Variants in FAM20B observed in about 807,000 individuals in gnomAD.
FAM20B encodes FAM20B glycosaminoglycan xylosylkinase.
In FAM20B, 23 loss-of-function variants were observed where a neutral mutation model predicts 43.8. The observed-to-expected ratio is 0.53, with a 90% confidence interval of 0.38 to 0.74. The LOEUF is 0.74. Among genes scored for constraint, FAM20B ranks in the 30% least tolerant of loss-of-function variants. The probability of loss-of-function intolerance (pLI) is 0.00; values close to 1 mark genes in which losing one functional copy is unlikely to be tolerated. For synonymous variants in FAM20B, 178 were observed against 192.4 expected (o/e 0.93, Z 0.62); for missense variants, 440 against 510.5 (o/e 0.86, Z 1.33).
chr1:179,044,484 C>A (rs1487094490), intron 2 of FAM20B, among the ~76,000 whole-genome samples: 1 of 152,200 alleles, frequency 6.6e-6, no homozygotes, highest in Admixed American at 6.5e-5. Flanking sequence ...CCTGGTAACC[C>A]ACTGGTCTTT....
chr1:179,049,259 C>T (rs1397188268), intron 2 of FAM20B, among the ~76,000 whole-genome samples: 1 of 152,024 alleles, frequency 6.6e-6, no homozygotes, highest in Non-Finnish European at 1.5e-5. Flanking sequence ...TAGTCCAGCC[C>T]CTAATATTGT....
At chr1:179,038,452 C>G (rs1282361977) in intron 1 of FAM20B, among the ~76,000 whole-genome samples, 1 of 151,336 alleles carries the variant, frequency 6.6e-6, no homozygotes, top group African/African-American at 2.4e-5. Flanking sequence ...GTTAACCAGA[C>G]TTTAGTCCTG....
rs968186189 is a variant in FAM20B, at chr1:179,064,616, CCACT to C, written c.938+121_938+124del. ...TTGATAGGCAACATCCTTCTTTTTT[CCACT>C]TGGAGTCTTTGCTATTGGTACCTGT... On this transcript the variant is annotated intron_variant, in intron 6 of 7. Transcript: ENST00000263733. The C allele has an allele frequency of 8.8e-5, 66 of 746,332 alleles. No individual in the cohort carries two copies. The Admixed American group carries it at 1.8e-3, about 21-fold the overall frequency. The allele number at this position is 746,332 out of a possible 1,614,324, so 46.2% of individuals were successfully genotyped here. A position where few individuals can be genotyped will look rare whatever the true frequency, so the allele number is the denominator to read the frequency against.
chr1:179,050,951 G>A (rs1650981114), intron 3 of FAM20B, among the ~76,000 whole-genome samples: 1 of 151,822 alleles, frequency 6.6e-6, no homozygotes, highest in Non-Finnish European at 1.5e-5. Flanking sequence ...GTGAAACCCC[G>A]TCTCTACTAA....
rs1278188194 is a variant in FAM20B at position 179,072,738 on chromosome 1, G to A, written c.*594G>A. 3 of 152,502 alleles carry A rather than the reference G, an allele frequency of 2.0e-5. No individual in the cohort carries two copies. The highest frequency in any genetic ancestry group is 4.4e-5 in the Non-Finnish European group (3 of 68,294). 9.4% of individuals were successfully genotyped at this position (152,502 alleles called of 1,614,324 possible). A position where few individuals can be genotyped will look rare whatever the true frequency, so the allele number is the denominator to read the frequency against. The stretch of plus-strand genomic sequence containing the variant: ...AAATGTTTGGGCTTTTAAGCCATTG[G>A]GTAGTATTGTTTTGATGATCTTAGA... On this transcript the variant is annotated 3_prime_UTR_variant, in exon 8 of 8. Transcript: ENST00000263733.
intron 4 of FAM20B, among the ~76,000 whole-genome samples, chr1:179,061,046 G>A (rs1276318073): frequency 6.8e-6 from 1 of 147,430 alleles, no homozygotes; most frequent in African/African-American, 2.5e-5. Context: ...ATAGTCTTTT[G>A]TGACATGAGA....
chr1:179,070,716 G>T (rs1286212881), intron 7 of FAM20B, among the ~76,000 whole-genome samples: 1 of 151,448 alleles, frequency 6.6e-6, no homozygotes, highest in Non-Finnish European at 1.5e-5. Flanking sequence ...GTAGAGACGG[G>T]GTTTTACCAT....
chr1:179,058,510 G>A (rs1017240629), intron 4 of FAM20B, among the ~76,000 whole-genome samples: 1 of 152,208 alleles, frequency 6.6e-6, no homozygotes, highest in East Asian at 1.9e-4. Context: ...AGACTGTGCT[G>A]TTTAGCTGAA....
At chr1:179,041,220 C>T (rs1404274089) in intron 1 of FAM20B, among the ~76,000 whole-genome samples, 1 of 151,604 alleles carries the variant, frequency 6.6e-6, no homozygotes, top group Non-Finnish European at 1.5e-5. Flanking sequence ...GATGGGCAAC[C>T]AGGCAGAGAC....
At chr1:179,063,466 T>C (rs981548102) in intron 4 of FAM20B, among the ~76,000 whole-genome samples, 2 of 151,956 alleles carry the variant, frequency 1.3e-5, no homozygotes, top group Non-Finnish European at 2.9e-5. Flanking sequence ...CATATACCTA[T>C]AGTTCCAGCT....
intron 4 of FAM20B, among the ~76,000 whole-genome samples, chr1:179,061,894 G>A (rs988370613): frequency 1.3e-5 from 2 of 152,074 alleles, no homozygotes; most frequent in East Asian, 1.9e-4. Flanking sequence ...ACATTTGGCC[G>A]GTGGGAACCT....
rs183043290 is a variant in FAM20B at position 179,034,798 on chromosome 1, C to G, written c.-134+8700C>G. On this transcript the variant is annotated intron_variant, in intron 1 of 7. Coordinates refer to ENST00000263733, the MANE Select transcript of FAM20B (RefSeq NM_014864.4). ...TCAGATCTCTTTTGTTGTTAGTCCT[C>G]TGCATGAAGCATTCTTACTAAGCAT... 2.0e-5 allele frequency among the ~76,000 whole-genome samples: 3 copies of G among 152,318 alleles called. No homozygotes were observed. In the East Asian group the frequency reaches 5.8e-4, roughly 29 times the overall value.
At chr1:179,050,184 A>T in intron 2 of FAM20B, 95 bp from the exon 3 acceptor site, 1 of 812,856 alleles carries the variant, frequency 1.2e-6, no homozygotes, top group Admixed American at 1.9e-5. Flanking sequence ...CTATAGCAGA[A>T]TCAGGCTTGC....
intron 4 of FAM20B, among the ~76,000 whole-genome samples, chr1:179,057,619 A>G (rs958771553): frequency 5.3e-5 from 8 of 152,192 alleles, no homozygotes; most frequent in African/African-American, 1.9e-4. Context: ...AAAACTACTA[A>G]TTGTTAGCCA....
chr1:179,071,819 AATT>A, intron 7 of FAM20B, 91 bp from the exon 8 acceptor site: 1 of 819,960 alleles, frequency 1.2e-6, no homozygotes, highest in South Asian at 1.6e-5. Context: ...GATTTTACCT[AATT>A]ATTTTTTCAC....
At chr1:179,026,980 G>A (rs1419777945) in intron 1 of FAM20B, among the ~76,000 whole-genome samples, 1 of 152,216 alleles carries the variant, frequency 6.6e-6, no homozygotes, top group Non-Finnish European at 1.5e-5. Context: ...TCCTTTTAAA[G>A]ACCATACCAT....
chr1:179,060,407 G>C (rs150532829), intron 4 of FAM20B, among the ~76,000 whole-genome samples: 2 of 151,996 alleles, frequency 1.3e-5, no homozygotes, highest in African/African-American at 4.8e-5. Flanking sequence ...AGTCTGTGGC[G>C]TGGTAGGAAC....
chr1:179,056,560 C>T (rs569638567), intron 4 of FAM20B, among the ~76,000 whole-genome samples: 2 of 152,274 alleles, frequency 1.3e-5, no homozygotes, highest in African/African-American at 4.8e-5. Context: ...ATCTTGGTTG[C>T]TTCCATGTTT....
chr1:179,066,738 T>C (rs1490845945), intron 6 of FAM20B, 62 bp from the exon 7 acceptor site: 1 of 1,133,302 alleles, frequency 8.8e-7, no homozygotes, highest in Non-Finnish European at 1.3e-6. Flanking sequence ...TTGCTATTGC[T>C]TTGATGCTAA....
Sources: allele counts gnomAD v4.1 joint callset (sites outside exome capture counted in the v4.1 genomes callset), GRCh38; gene constraint gnomAD v4.1.1; transcripts MANE v1.5; gene names NCBI Gene and HGNC (gene_info 2026-07-23, HGNC 2026-07-21).